Variants in LGSN observed in about 807,000 individuals in gnomAD.
LGSN encodes the protein lengsin, lens protein with glutamine synthetase domain.
A neutral mutation model predicts 19.5 loss-of-function variants in LGSN; 21 were observed. The observed-to-expected ratio is 1.07, with a 90% CI of 0.76 to 1.55. LGSN has a LOEUF of 1.55. LGSN is among the 40% of genes most tolerant of loss of function. LGSN has a pLI of 0.00. For missense variants in LGSN, 673 were observed against 608.5 expected, an observed-to-expected ratio of 1.11 and a Z score of -1.12; for synonymous variants, 257 against 215.6, an observed-to-expected ratio of 1.19 and a Z score of -1.68.
the LGSN span, chr6:63,571,593 C>T: frequency 5.9e-5 from 9 of 152,244 alleles, no homozygotes; most frequent in South Asian, 1.0e-3. Context: ...TTGACAAAAC[C>T]GAGGATTCTT....
chr6:63,564,018 T>C, the LGSN span, among the ~76,000 whole-genome samples: 1 of 152,232 alleles, frequency 6.6e-6, no homozygotes. Flanking sequence ...CTCACGCCTG[T>C]AATCCCAGCA....
chr6:63,393,216 G>A, the LGSN span, among the ~76,000 whole-genome samples: 1 of 150,418 alleles, frequency 6.6e-6, no homozygotes, highest in Non-Finnish European at 1.5e-5. Context: ...CGCCCAGGCT[G>A]GAGTGCAATA....
intron 1 of LGSN, among the ~76,000 whole-genome samples, chr6:63,295,596 T>C (rs1421359243): frequency 1.3e-5 from 2 of 152,234 alleles, no homozygotes; most frequent in African/African-American, 4.8e-5. Flanking sequence ...TGTGACTGTA[T>C]TTTATATGTG....
the LGSN span, among the ~76,000 whole-genome samples, chr6:63,502,733 T>C: frequency 2.6e-5 from 4 of 152,184 alleles, no homozygotes; most frequent in African/African-American, 4.8e-5. Flanking sequence ...TCCTATTAAA[T>C]CTCATCTGAC....
chr6:63,449,571 A>G, the LGSN span, among the ~76,000 whole-genome samples: 2 of 152,040 alleles, frequency 1.3e-5, no homozygotes, highest in South Asian at 4.1e-4. Flanking sequence ...GAAAGAAATA[A>G]TCTGGGATAA....
chr6:63,332,574 T>C, the LGSN span, among the ~76,000 whole-genome samples: 1 of 151,548 alleles, frequency 6.6e-6, no homozygotes, highest in East Asian at 1.9e-4. Context: ...CTCCAAAGAG[T>C]TGGGGGTTGT....
the LGSN span, among the ~76,000 whole-genome samples, chr6:63,347,133 T>C: frequency 6.6e-6 from 1 of 152,122 alleles, no homozygotes; most frequent in Admixed American, 6.6e-5. Context: ...GCTGGAGAAT[T>C]AGTATGTGGG....
chr6:63,424,005 A>G, the LGSN span, among the ~76,000 whole-genome samples: 1 of 152,172 alleles, frequency 6.6e-6, no homozygotes, highest in East Asian at 1.9e-4. Flanking sequence ...ATGCCACTAC[A>G]CTGCAGCCTG....
the LGSN span, among the ~76,000 whole-genome samples, chr6:63,398,189 GAGT>G: frequency 3.6e-5 from 5 of 137,746 alleles, no homozygotes; most frequent in Non-Finnish European, 7.7e-5. Flanking sequence ...AATTATTTTA[GAGT>G]ATACTCCTAT....
At chr6:63,523,732 G>A in the LGSN span, among the ~76,000 whole-genome samples, 5 of 151,800 alleles carry the variant, frequency 3.3e-5, no homozygotes, top group African/African-American at 7.3e-5. Context: ...CTTTTTTTGC[G>A]ATTTTTTTAA....
At chr6:63,393,531 T>C in the LGSN span, among the ~76,000 whole-genome samples, 1 of 152,168 alleles carries the variant, frequency 6.6e-6, no homozygotes, top group Admixed American at 6.6e-5. Flanking sequence ...GCTGGTTAAC[T>C]GGAAAGCCCA....
the LGSN span, among the ~76,000 whole-genome samples, chr6:63,393,158 A>T: frequency 1.4e-5 from 2 of 147,260 alleles, no homozygotes; most frequent in Non-Finnish European, 3.0e-5. Context: ...AAGTGCTAGG[A>T]TTACAGGCTG....
At chr6:63,358,094 T>C in the LGSN span, among the ~76,000 whole-genome samples, 1 of 152,250 alleles carries the variant, frequency 6.6e-6, no homozygotes, top group African/African-American at 2.4e-5. Context: ...TAGGGAATCC[T>C]TTCCCCATTG....
the LGSN span, among the ~76,000 whole-genome samples, chr6:63,480,986 T>TAC: frequency 0.011 from 465 of 43,966 alleles, 6 homozygotes; most frequent in Middle Eastern, 0.019. Flanking sequence ...TATATATATA[T>TAC]ACACACACAC....
At chr6:63,434,162 G>T in the LGSN span, among the ~76,000 whole-genome samples, 2 of 152,138 alleles carry the variant, frequency 1.3e-5, no homozygotes, top group African/African-American at 4.8e-5. Flanking sequence ...GACCTGGCTG[G>T]GCGCAGTGGC....
At chr6:63,406,110 C>G in the LGSN span, among the ~76,000 whole-genome samples, 1 of 152,156 alleles carries the variant, frequency 6.6e-6, no homozygotes, top group African/African-American at 2.4e-5. Flanking sequence ...CAACATTAGA[C>G]AGATCAACAA....
At chr6:63,556,812 T>A in the LGSN span, among the ~76,000 whole-genome samples, 1 of 152,164 alleles carries the variant, frequency 6.6e-6, no homozygotes, top group African/African-American at 2.4e-5. Context: ...TTACAAGAAA[T>A]GCCCAAATAT....
At chr6:63,554,684 G>C in the LGSN span, among the ~76,000 whole-genome samples, 6 of 152,240 alleles carry the variant, frequency 3.9e-5, 1 homozygote, top group African/African-American at 1.4e-4. Context: ...CTACTGGAGA[G>C]GCTGAGGCAC....
chr6:63,372,221 G>C, the LGSN span, among the ~76,000 whole-genome samples: 1 of 152,116 alleles, frequency 6.6e-6, no homozygotes, highest in South Asian at 2.1e-4. Context: ...GCTTAGTCCC[G>C]GGCTGTTGAC....
Sources: gnomAD v4.1 joint callset for allele counts (sites outside exome capture counted in the v4.1 genomes callset) on GRCh38, gnomAD v4.1.1 for gene constraint, MANE v1.5 for transcripts, NCBI Gene and HGNC (gene_info 2026-07-23, HGNC 2026-07-21) for gene names.